Variants in RUVBL2 observed in about 807,000 individuals in gnomAD.
RUVBL2 encodes RuvB like AAA ATPase 2, also known as ruvB-like 2.
RUVBL2 carries 9 observed loss-of-function variants against 57.9 expected under a neutral mutation model. That is an observed-to-expected ratio of 0.16 (90% CI 0.09 to 0.27). RUVBL2 has a LOEUF of 0.27. Ranked by LOEUF, RUVBL2 falls within the 10% of genes least tolerant of loss-of-function variation. The pLI is 1.00. For synonymous variants in RUVBL2, 278 were observed against 264.6 expected (o/e 1.05, Z -0.49); for missense variants, 456 against 669.6 (o/e 0.68, Z 3.52).
At chr19:48,994,972 A>G (rs1365016266) in intron 1 of RUVBL2, 3 of 151,756 alleles carry the variant, frequency 2.0e-5, no homozygotes, top group Non-Finnish European at 4.4e-5. Flanking sequence ...CTGGGCTTAC[A>G]GGTGCCTCAA....
At chr19:49,003,404 TG>T in intron 3 of RUVBL2, 70 bp downstream of exon 3, 1 of 1,356,996 alleles carries the variant, frequency 7.4e-7, no homozygotes, top group Non-Finnish European at 1.0e-6. Flanking sequence ...CCCAGGGTCC[TG>T]GGGAGTGTGG....
At chr19:49,010,912 G>A (rs1391319173) in intron 9 of RUVBL2, 87 bp from the exon 10 acceptor site, 3 of 1,193,560 alleles carry the variant, frequency 2.5e-6, no homozygotes, top group Non-Finnish European at 1.2e-6. Context: ...TCCATCCCTG[G>A]CATCATCCTT....
chr19:49,013,959 T>C (rs1157149780), intron 11 of RUVBL2, among the ~76,000 whole-genome samples: 1 of 152,156 alleles, frequency 6.6e-6, no homozygotes, highest in Non-Finnish European at 1.5e-5. Flanking sequence ...AAAATACGCA[T>C]AGACCCAGAT....
Position 49,011,337 on chromosome 19 carries a change from G to A in RUVBL2, c.1001+27G>A, listed in dbSNP as rs754072162. The stretch of plus-strand genomic sequence containing the variant: ...TGAGCCGGCTACAGGGGCCTCTGGG[G>A]AAAACAGGATGCTCTGGGCAGTGGG... On this transcript the variant is annotated intron_variant, in intron 11 of 14. Transcript: ENST00000595090. The surrounding 1 kb of genome is among the most constrained non-coding windows in gnomAD (Gnocchi z 4.4). 6.3e-7 allele frequency: 1 copy of A among 1,578,280 alleles called. No homozygotes were observed. Among genetic ancestry groups the A allele is most frequent in the Non-Finnish European group, 8.7e-7 (1 of 1,148,764 alleles).
chr19:49,007,338 G>T lies in RUVBL2; in HGVS notation c.432G>T (p.Glu144Asp), dbSNP rs1184849160. 4 of 1,614,078 alleles carry T rather than the reference G, an allele frequency of 2.5e-6. No homozygotes were observed. The South Asian group carries it at 4.4e-5, about 18-fold the overall frequency. The change falls in exon 6 of 15, where the codon GAG becomes GAT. Residue 144 changes from glutamate (E) to aspartate (D), a missense_variant. Physicochemically the swap from Glu to Asp is conservative, Grantham distance 45. Around this residue, in one of 5 missense-constraint regions of RUVBL2, gnomAD observed 233 missense variants for 306.0 expected, o/e 0.76. Coordinates refer to ENST00000595090, the MANE Select transcript of RUVBL2 (RefSeq NM_006666.3). Reference sequence around the variant, plus strand: ...AGATCATCGAAGGGGAGGTGGTGGAGATCCAGATTGATCGACCAGCAACAG... The same window carrying T: ...AGATCATCGAAGGGGAGGTGGTGGATATCCAGATTGATCGACCAGCAACAG... Reference protein sequence around the residue: ...ETEIIEGEVVEIQIDRPATGT... With the variant: ...ETEIIEGEVVDIQIDRPATGT...
Position 49,015,705 on chromosome 19 carries a change from C to A in RUVBL2, c.1366+19C>A, listed in dbSNP as rs760169421. The stretch of plus-strand genomic sequence containing the variant: ...GAACTCAGTAAGAATCCCCACCCCG[C>A]ACCTGCACTGCCAGAGCCAACCTCA... On this transcript the variant is annotated intron_variant, in intron 14 of 14. Transcript: ENST00000595090. The A allele has an allele frequency of 1.9e-6, 3 of 1,611,136 alleles. No individual in the cohort carries two copies. The highest frequency in any genetic ancestry group is 3.3e-4 in the Middle Eastern group (2 of 6,056).
intron 3 of RUVBL2, 157 bp from the exon 4 acceptor site, chr19:49,004,115 CAAAAA>C (rs74182026): frequency 3.4e-3 from 982 of 290,936 alleles, no homozygotes; most frequent in East Asian, 9.2e-3. Context: ...GATCTTGTCT[CAAAAA>C]AAAAAAAAAA....
chr19:49,013,966 A>G (rs993555567), intron 11 of RUVBL2, among the ~76,000 whole-genome samples: 1 of 152,214 alleles, frequency 6.6e-6, no homozygotes, highest in African/African-American at 2.4e-5. Context: ...GCATAGACCC[A>G]GATTATATAT....
Position 48,993,888 on chromosome 19 carries a change from G to A in RUVBL2, c.-24G>A. On this transcript the variant is annotated 5_prime_UTR_variant, in exon 1 of 15. Coordinates refer to ENST00000595090, the MANE Select transcript of RUVBL2 (RefSeq NM_006666.3). ...TCCTCGCGCGTTTCCGTTTCCGCTA[G>A]GACTCTGGCAGTTGGTGAGCATCAT... 6.2e-7 allele frequency: 1 copy of A among 1,614,132 alleles called. No homozygotes were observed.
chr19:48,998,970 T>G (rs1053195246), intron 1 of RUVBL2, among the ~76,000 whole-genome samples: 1 of 151,268 alleles, frequency 6.6e-6, no homozygotes, highest in Non-Finnish European at 1.5e-5. Context: ...GAGGTTGCAG[T>G]GAGCCGAGAT....
At chr19:49,013,609 G>A (rs2039479445) in intron 11 of RUVBL2, among the ~76,000 whole-genome samples, 1 of 152,062 alleles carries the variant, frequency 6.6e-6, no homozygotes, top group Admixed American at 6.6e-5. Flanking sequence ...ACAAACACAT[G>A]GAAATAGAAA....
intron 2 of RUVBL2, among the ~76,000 whole-genome samples, chr19:49,002,910 A>G (rs1344344717): frequency 6.6e-6 from 1 of 152,200 alleles, no homozygotes; most frequent in Non-Finnish European, 1.5e-5. Context: ...TTTTTGCAGG[A>G]TCATATGGAA....
At chr19:49,001,619 AT>A (rs551881158) in intron 2 of RUVBL2, 39 of 140,760 alleles carry the variant, frequency 2.8e-4, no homozygotes, top group Admixed American at 3.6e-4. Flanking sequence ...ATTTTATTTT[AT>A]TTTTTTTTTT....
intron 2 of RUVBL2, among the ~76,000 whole-genome samples, chr19:48,999,891 C>T (rs1337238060): frequency 6.6e-6 from 1 of 152,176 alleles, no homozygotes; most frequent in Non-Finnish European, 1.5e-5. Context: ...AAATCACTGG[C>T]CCCGGCTCAC....
intron 2 of RUVBL2, 107 bp from the exon 3 acceptor site, chr19:49,003,170 ACT>A: frequency 9.8e-6 from 7 of 712,406 alleles, no homozygotes; most frequent in African/African-American, 1.8e-5. Context: ...CCTGCTCCCT[ACT>A]CCCACCCACC....
intron 11 of RUVBL2, among the ~76,000 whole-genome samples, chr19:49,012,135 G>A (rs2039442222): frequency 6.6e-6 from 1 of 152,152 alleles, no homozygotes; most frequent in South Asian, 2.1e-4. Flanking sequence ...GCTGTACCTG[G>A]TGGCAAAGAA....
At chr19:48,993,992 A>G in intron 1 of RUVBL2, 69 bp downstream of exon 1, 2 of 1,572,006 alleles carry the variant, frequency 1.3e-6, no homozygotes, top group Middle Eastern at 1.7e-4. Context: ...AGGATGCTGG[A>G]GGCCCTGACT....
intron 12 of RUVBL2, among the ~76,000 whole-genome samples, 199 bp from the exon 13 acceptor site, chr19:49,014,822 G>A (rs569970444): frequency 6.6e-6 from 1 of 152,318 alleles, no homozygotes; most frequent in African/African-American, 2.4e-5. Flanking sequence ...CAGCGCCCTG[G>A]GGGTGGTCAG....
intron 3 of RUVBL2, among the ~76,000 whole-genome samples, chr19:49,003,737 T>C (rs2039227963): frequency 6.6e-6 from 1 of 151,458 alleles, no homozygotes; most frequent in Non-Finnish European, 1.5e-5. Flanking sequence ...TGAGCCGAGA[T>C]TGTGCCACTG....
Sources: allele counts gnomAD v4.1 joint callset (sites outside exome capture counted in the v4.1 genomes callset), GRCh38; gene constraint gnomAD v4.1.1; regional missense constraint gnomAD v4.1.1; non-coding constraint Gnocchi (gnomAD v3.1); transcripts MANE v1.5; gene names NCBI Gene and HGNC (gene_info 2026-07-23, HGNC 2026-07-21).